CADPS: variants seen among roughly 807,000 people sequenced by gnomAD.
The protein encoded by CADPS is calcium dependent secretion activator, also known as calcium-dependent secretion activator 1.
CADPS carries 57 observed loss-of-function variants against 167.3 expected under a neutral mutation model. The observed-to-expected ratio is 0.34, with a 90% CI of 0.28 to 0.42. CADPS has a LOEUF of 0.42. Among genes scored for constraint, CADPS ranks in the 20% least tolerant of loss-of-function variants. The pLI, the probability that CADPS is intolerant of heterozygous loss-of-function variation, is 1.00. For synonymous variants in CADPS, 676 were observed against 635.3 expected, an observed-to-expected ratio of 1.06 and a Z score of -0.96; for missense variants, 1,414 against 1,738.1, an observed-to-expected ratio of 0.81 and a Z score of 3.32.
intron 18 of CADPS, among the ~76,000 whole-genome samples, chr3:62,495,516 G>T (rs1452913747): frequency 6.6e-6 from 1 of 152,140 alleles, no homozygotes; most frequent in Non-Finnish European, 1.5e-5. Flanking sequence ...CTTTTCCAAA[G>T]ACAATAAGGA....
At chr3:62,614,767 G>A (rs975304638) in intron 6 of CADPS, among the ~76,000 whole-genome samples, 4 of 152,270 alleles carry the variant, frequency 2.6e-5, no homozygotes. Flanking sequence ...ACACACCTGG[G>A]TTTCCTGTGC....
chr3:62,828,461 T>A (rs900701576), intron 1 of CADPS, among the ~76,000 whole-genome samples: 1 of 152,122 alleles, frequency 6.6e-6, no homozygotes, highest in African/African-American at 2.4e-5. Flanking sequence ...AATTAGTAAC[T>A]GAGATAATAG....
intron 17 of CADPS, among the ~76,000 whole-genome samples, chr3:62,506,972 A>G (rs923022256): frequency 8.5e-5 from 13 of 152,198 alleles, no homozygotes; most frequent in Non-Finnish European, 7.3e-5. Flanking sequence ...ATGAAAACAC[A>G]TGAACATTTT....
At chr3:62,593,378 C>T (rs2086513302) in intron 6 of CADPS, among the ~76,000 whole-genome samples, 1 of 152,226 alleles carries the variant, frequency 6.6e-6, no homozygotes, top group African/African-American at 2.4e-5. Context: ...GGGAGCCTGG[C>T]TTACCCAAAA....
chr3:62,798,790 C>A (rs1213027308), intron 1 of CADPS, among the ~76,000 whole-genome samples: 1 of 152,082 alleles, frequency 6.6e-6, no homozygotes, highest in Non-Finnish European at 1.5e-5. Context: ...CTTTGTATCC[C>A]AGTAACAGGC....
chr3:62,874,437 C>T lies in CADPS; in HGVS notation c.441+152G>A. ...TTGGGCTGGGCCTGGGCGAGCCCGG[C>T]CGCTGGGAGGGGGCCTCGTAGCCCT... is the stretch of plus-strand genomic sequence containing the variant. On this transcript the variant is annotated intron_variant, in intron 1 of 29. Coordinates refer to ENST00000383710, the MANE Select transcript of CADPS (RefSeq NM_003716.4). This position sits in a 1 kb window ranked among gnomAD's most constrained non-coding sequence, Gnocchi z 7.1. The T allele has an allele frequency of 3.2e-6, 2 of 623,892 alleles. No homozygotes were observed. The highest frequency in any genetic ancestry group is 3.0e-5 in the Admixed American group (1 of 32,928). 38.6% of individuals were successfully genotyped at this position (623,892 alleles called of 1,614,324 possible).
chr3:62,634,458 C>T (rs1261983034), intron 6 of CADPS, among the ~76,000 whole-genome samples: 2 of 152,110 alleles, frequency 1.3e-5, no homozygotes, highest in Admixed American at 6.5e-5. Context: ...AGATTTTTTA[C>T]TCCATCGTGC....
intron 8 of CADPS, among the ~76,000 whole-genome samples, chr3:62,579,177 T>C (rs886263736): frequency 6.6e-6 from 1 of 152,228 alleles, no homozygotes; most frequent in Non-Finnish European, 1.5e-5. Flanking sequence ...GAGCTCTCTA[T>C]TTTAGTCAAG....
intron 1 of CADPS, among the ~76,000 whole-genome samples, chr3:62,872,515 A>C (rs1390652588): frequency 6.6e-6 from 1 of 152,184 alleles, no homozygotes; most frequent in Non-Finnish European, 1.5e-5. Context: ...GATAACTAAG[A>C]ATAGTTTGAC....
At chr3:62,781,874 C>A (rs892277696) in intron 1 of CADPS, among the ~76,000 whole-genome samples, 2 of 152,182 alleles carry the variant, frequency 1.3e-5, no homozygotes, top group Non-Finnish European at 2.9e-5. Flanking sequence ...CCACAGCAGG[C>A]CTTACAGCCT....
intron 7 of CADPS, among the ~76,000 whole-genome samples, chr3:62,591,503 G>A (rs1173437971): frequency 6.6e-6 from 1 of 152,108 alleles, no homozygotes; most frequent in African/African-American, 2.4e-5. Context: ...GTTTATATGA[G>A]GGATTGAAAT....
intron 1 of CADPS, among the ~76,000 whole-genome samples, chr3:62,849,770 A>G (rs1268885646): frequency 7.1e-6 from 1 of 140,214 alleles, no homozygotes; most frequent in Admixed American, 7.1e-5. Flanking sequence ...CGGCTTTGGT[A>G]TCAGAATGAT....
intron 6 of CADPS, chr3:62,626,117 T>C (rs1225221675): frequency 6.4e-6 from 1 of 156,892 alleles, no homozygotes; most frequent in Non-Finnish European, 1.4e-5. Context: ...CAAATAAAAT[T>C]CAGAGAAAAG....
Position 62,874,999 on chromosome 3 carries a change from ATTC to A in CADPS, c.28_30del (p.Glu10del). On this transcript the variant is annotated inframe_deletion, in exon 1 of 30. Transcript: ENST00000383710. The surrounding 1 kb of genome is among the most constrained non-coding windows in gnomAD (Gnocchi z 7.1). Reference sequence around the variant, plus strand: ...CTCTCCTCCTCCACGATCTCATCCGATTCTTCTTCGCTGGACGAAGGGTCCAGC... The same window carrying A: ...CTCTCCTCCTCCACGATCTCATCCGATTCTTCGCTGGACGAAGGGTCCAGC... The A allele has an allele frequency of 6.3e-7, 1 of 1,596,102 alleles. No individual in the cohort carries two copies. The highest frequency in any genetic ancestry group is 2.4e-5 in the East Asian group (1 of 42,266).
At chr3:62,702,296 C>G (rs989804153) in intron 3 of CADPS, among the ~76,000 whole-genome samples, 1 of 152,086 alleles carries the variant, frequency 6.6e-6, no homozygotes, top group East Asian at 1.9e-4. Flanking sequence ...TTATTATAAG[C>G]CAAAGATTGT....
At chr3:62,773,770 T>C (rs74959157) in intron 1 of CADPS, among the ~76,000 whole-genome samples, 2,468 of 152,296 alleles carry the variant, frequency 0.016, 27 homozygotes, top group East Asian at 0.068. Context: ...AAGTGTTTCT[T>C]TAGAAAAAAT....
chr3:62,546,705 T>C (rs1196032238), intron 11 of CADPS, among the ~76,000 whole-genome samples: 1 of 152,136 alleles, frequency 6.6e-6, no homozygotes, highest in Non-Finnish European at 1.5e-5. Flanking sequence ...CCCTGAACAA[T>C]ACAGTGTAAT....
At chr3:62,772,655 T>C (rs2089204634) in intron 1 of CADPS, among the ~76,000 whole-genome samples, 1 of 152,192 alleles carries the variant, frequency 6.6e-6, no homozygotes, top group African/African-American at 2.4e-5. Flanking sequence ...TCACTGTATG[T>C]TTTCTCTTAC....
At chr3:62,702,316 A>C (rs1236473405) in intron 3 of CADPS, among the ~76,000 whole-genome samples, 1 of 152,164 alleles carries the variant, frequency 6.6e-6, no homozygotes, top group Non-Finnish European at 1.5e-5. Flanking sequence ...TGGGAGATAC[A>C]GATATAAATA....
Sources: allele counts gnomAD v4.1 joint callset (sites outside exome capture counted in the v4.1 genomes callset), GRCh38; gene constraint gnomAD v4.1.1; non-coding constraint Gnocchi (gnomAD v3.1); transcripts MANE v1.5; gene names NCBI Gene and HGNC (gene_info 2026-07-23, HGNC 2026-07-21).